The following CDKAL1 variants were observed in gnomAD, a reference collection of about 807,000 sequenced individuals.
CDKAL1 encodes the protein CDKAL1 threonylcarbamoyladenosine tRNA methylthiotransferase.
Under a neutral mutation model 68.2 loss-of-function variants are expected in CDKAL1, and 32 were observed. The observed-to-expected ratio is 0.47, with a 90% CI of 0.35 to 0.63. The LOEUF is 0.63. CDKAL1 is among the 30% of genes least tolerant of loss of function. CDKAL1 has a pLI of 0.00. For synonymous variants in CDKAL1, 234 were observed against 244.3 expected, an observed-to-expected ratio of 0.96 and a Z score of 0.39; for missense variants, 606 against 696.7, an observed-to-expected ratio of 0.87 and a Z score of 1.47.
chr6:20,635,055 T>G (rs955021568), intron 4 of CDKAL1, among the ~76,000 whole-genome samples: 4 of 151,748 alleles, frequency 2.6e-5, no homozygotes, highest in Admixed American at 2.0e-4. Context: ...TGGGGAGATG[T>G]GCCATTTATG....
At chr6:20,565,502 C>A (rs1764428043) in intron 4 of CDKAL1, among the ~76,000 whole-genome samples, 1 of 152,018 alleles carries the variant, frequency 6.6e-6, no homozygotes. Flanking sequence ...AGTGAAGGCA[C>A]AGTTGGCAGT....
intron 10 of CDKAL1, among the ~76,000 whole-genome samples, chr6:20,997,243 G>A (rs2150811054): frequency 6.6e-6 from 1 of 152,306 alleles, no homozygotes; most frequent in South Asian, 2.1e-4. Flanking sequence ...AAGTTGCTGA[G>A]AAGTCATAAA....
intron 13 of CDKAL1, among the ~76,000 whole-genome samples, chr6:21,149,191 G>A (rs1255208438): frequency 6.6e-6 from 1 of 151,984 alleles, no homozygotes; most frequent in Non-Finnish European, 1.5e-5. Flanking sequence ...CCAGGCTGGA[G>A]TGCAGTGGCA....
intron 12 of CDKAL1, among the ~76,000 whole-genome samples, chr6:21,072,126 A>G (rs1447205332): frequency 1.3e-5 from 2 of 152,170 alleles, no homozygotes; most frequent in African/African-American, 4.8e-5. Context: ...CTTTTTCTTT[A>G]TGGCAGATCT....
In CDKAL1 at chr6:20,546,530, T is replaced by G. The variant is rs773744794; in HGVS notation, c.173+7T>G. 5 of 1,608,228 alleles carry G rather than the reference T, an allele frequency of 3.1e-6. No individual in the cohort carries two copies. In the South Asian group the frequency reaches 5.5e-5, roughly 18 times the overall value. Reference sequence around the variant, plus strand: ...ACAGTCCACCAAGTGACAGGTAAGCTTTTTTCCTTGAAATTATATTCATTT... The same window carrying G: ...ACAGTCCACCAAGTGACAGGTAAGCGTTTTTCCTTGAAATTATATTCATTT... On this transcript the variant is annotated splice_region_variant and intron_variant, in intron 3 of 15. Transcript: ENST00000274695.
In CDKAL1 at chr6:20,712,784, A is replaced by G. The variant is rs141685486; in HGVS notation, c.372-26735A>G. On this transcript the variant is annotated intron_variant, in intron 5 of 15. Transcript: ENST00000274695. Reference sequence around the variant, plus strand: ...CTCAGCCTCTGAAGTAGCTGGGATTACAGGCACCCGCCACCATGCCCAGCT... The same window carrying G: ...CTCAGCCTCTGAAGTAGCTGGGATTGCAGGCACCCGCCACCATGCCCAGCT... Among the ~76,000 whole-genome samples the G allele has an allele frequency of 2.6e-3, 389 of 152,204 alleles. 2 individuals are homozygous for G. The highest frequency in any genetic ancestry group is 7.7e-3 in the African/African-American group (321 of 41,534).
intron 5 of CDKAL1, among the ~76,000 whole-genome samples, chr6:20,730,470 A>AGAAG (rs201696491): frequency 1.3e-5 from 2 of 150,698 alleles, no homozygotes; most frequent in East Asian, 4.0e-4. Flanking sequence ...AAGAAAAGAA[A>AGAAG]GAAGGAAGGA....
chr6:20,819,690 T>A (rs1777194332), intron 8 of CDKAL1, among the ~76,000 whole-genome samples: 1 of 152,172 alleles, frequency 6.6e-6, no homozygotes, highest in Non-Finnish European at 1.5e-5. Flanking sequence ...GGGGTGCTTT[T>A]CTATACTTCG....
At chr6:21,229,807 TATC>T (rs1358928491) in intron 15 of CDKAL1, among the ~76,000 whole-genome samples, 2 of 152,046 alleles carry the variant, frequency 1.3e-5, no homozygotes, top group Non-Finnish European at 2.9e-5. Flanking sequence ...GAGGTGAAAA[TATC>T]ATCAATTGTG....
intron 12 of CDKAL1, among the ~76,000 whole-genome samples, chr6:21,082,149 T>G (rs141828865): frequency 2.0e-5 from 3 of 152,298 alleles, no homozygotes; most frequent in Non-Finnish European, 4.4e-5. Flanking sequence ...TGGACAAAAA[T>G]GTACTGTACT....
At chr6:20,745,810 C>T (rs1405965318) in intron 6 of CDKAL1, among the ~76,000 whole-genome samples, 7 of 152,264 alleles carry the variant, frequency 4.6e-5, no homozygotes, top group South Asian at 4.1e-4. Context: ...TCCTGGGCCA[C>T]GTGGGGCCCA....
chr6:20,542,925 C>A (rs1202076223), intron 2 of CDKAL1, among the ~76,000 whole-genome samples: 1 of 152,188 alleles, frequency 6.6e-6, no homozygotes, highest in Non-Finnish European at 1.5e-5. Context: ...CAGAATGTAA[C>A]CTTTTGGGAT....
intron 5 of CDKAL1, among the ~76,000 whole-genome samples, chr6:20,700,734 A>C (rs1361584110): frequency 2.6e-5 from 4 of 152,184 alleles, no homozygotes; most frequent in Admixed American, 2.6e-4. Flanking sequence ...AATATTGAGA[A>C]AGAAAACTGC....
chr6:21,036,419 C>G (rs1443478958), intron 11 of CDKAL1, among the ~76,000 whole-genome samples: 1 of 152,026 alleles, frequency 6.6e-6, no homozygotes, highest in Non-Finnish European at 1.5e-5. Context: ...TGTGGCAGAG[C>G]AAGTCAAGGT....
Position 21,070,112 on chromosome 6 carries a change from G to A in CDKAL1, c.1236+4884G>A, listed in dbSNP as rs143184196. Among the ~76,000 whole-genome samples, 265 of 147,356 alleles carry A rather than the reference G, an allele frequency of 1.8e-3. 1 individual carries two copies. The highest frequency in any genetic ancestry group is 6.8e-3 in the Middle Eastern group (2 of 292). ...GATTTTCTCATCCTCCTCACCCCCA[G>A]GTTACACACCCTTTCTAATCTCTGG... On this transcript the variant is annotated intron_variant, in intron 12 of 15. Transcript: ENST00000274695.
Position 20,673,760 on chromosome 6 carries a change from C to T in CDKAL1, c.371+24383C>T, listed in dbSNP as rs137877826. On this transcript the variant is annotated intron_variant, in intron 5 of 15. Transcript: ENST00000274695. ...CTGAACAAGCTCTCTTTTTTCCTGCCGTCATCCATTTAAGATGTGACTTAC... is the reference window on the plus strand; with the variant it reads ...CTGAACAAGCTCTCTTTTTTCCTGCTGTCATCCATTTAAGATGTGACTTAC... 3.3e-3 allele frequency among the ~76,000 whole-genome samples: 505 copies of T among 152,234 alleles called. 6 individuals carry two copies. Among genetic ancestry groups the T allele is most frequent in the African/African-American group, 0.011 (473 of 41,528 alleles).
chr6:20,585,621 C>T (rs1398580794), intron 4 of CDKAL1, among the ~76,000 whole-genome samples: 1 of 152,110 alleles, frequency 6.6e-6, no homozygotes, highest in African/African-American at 2.4e-5. Flanking sequence ...TAGCATTTGC[C>T]ACAGCTTTTC....
intron 5 of CDKAL1, among the ~76,000 whole-genome samples, chr6:20,661,605 ACC>A: frequency 6.6e-6 from 1 of 151,894 alleles, no homozygotes; most frequent in African/African-American, 2.4e-5. Flanking sequence ...ATAAAAAAAA[ACC>A]AAATGAAACT....
chr6:20,941,304 C>T (rs1026346090), intron 9 of CDKAL1, among the ~76,000 whole-genome samples: 2 of 152,062 alleles, frequency 1.3e-5, no homozygotes, highest in Admixed American at 6.6e-5. Flanking sequence ...TGGTACTACT[C>T]ATATCATAAT....
Sources: gnomAD v4.1 joint callset for allele counts (sites outside exome capture counted in the v4.1 genomes callset) on GRCh38, gnomAD v4.1.1 for gene constraint, MANE v1.5 for transcripts, NCBI Gene and HGNC (gene_info 2026-07-23, HGNC 2026-07-21) for gene names.